FARS2: variants seen among roughly 807,000 people sequenced by gnomAD.
FARS2 encodes phenylalanyl-tRNA synthetase 2, mitochondrial.
In FARS2, 40 loss-of-function variants were observed where a neutral mutation model predicts 46.4. The ratio of observed to expected loss-of-function variants is 0.86; its 90% confidence interval spans 0.67 to 1.12. The LOEUF is 1.12. FARS2 is among the 50% of genes most tolerant of loss of function. FARS2 has a pLI of 0.00. For missense variants in FARS2, 513 were observed against 567.9 expected (o/e 0.90, Z 0.98); for synonymous variants, 234 against 214.9 (o/e 1.09, Z -0.78).
chr6:5,402,701 A>G (rs2432780), intron 2 of FARS2, among the ~76,000 whole-genome samples: 12,540 of 152,168 alleles, frequency 0.082, 1,080 homozygotes, highest in African/African-American at 0.22. Flanking sequence ...TTCCTACTCA[A>G]TTGAAAAGGT....
intron 6 of FARS2, among the ~76,000 whole-genome samples, chr6:5,682,494 C>G: frequency 6.6e-6 from 1 of 152,198 alleles, no homozygotes; most frequent in Non-Finnish European, 1.5e-5. Flanking sequence ...CAGCCTGGCT[C>G]TATCCGAAGG....
intron 1 of FARS2, among the ~76,000 whole-genome samples, chr6:5,338,639 T>C (rs986644952): frequency 3.4e-5 from 5 of 147,150 alleles, no homozygotes; most frequent in Non-Finnish European, 7.4e-5. Flanking sequence ...ATCTCAGGTA[T>C]GAGTTCTTGG....
chr6:5,701,356 A>T (rs151155774), intron 6 of FARS2, among the ~76,000 whole-genome samples: 2 of 152,314 alleles, frequency 1.3e-5, no homozygotes, highest in East Asian at 3.9e-4. Flanking sequence ...CTGCCACTGC[A>T]CCTTGTCTGT....
At chr6:5,357,394 C>T (rs1195556736) in intron 1 of FARS2, among the ~76,000 whole-genome samples, 2 of 152,180 alleles carry the variant, frequency 1.3e-5, no homozygotes, top group African/African-American at 2.4e-5. Flanking sequence ...AACTTGAGGA[C>T]ATACTGTCCC....
chr6:5,447,601 G>A (rs966809207), intron 4 of FARS2, among the ~76,000 whole-genome samples: 3 of 152,194 alleles, frequency 2.0e-5, no homozygotes, highest in East Asian at 1.9e-4. Flanking sequence ...AAGGCAAAAT[G>A]TACAAATGCT....
intron 5 of FARS2, among the ~76,000 whole-genome samples, chr6:5,599,006 A>G (rs1439073069): frequency 6.6e-6 from 1 of 152,210 alleles, no homozygotes; most frequent in Non-Finnish European, 1.5e-5. Flanking sequence ...TGACTTCGCT[A>G]GCTGGGCCTC....
Position 5,560,898 on chromosome 6 carries a change from G to A in FARS2, c.1065+15558G>A, listed in dbSNP as rs1467661025. 2.6e-5 allele frequency among the ~76,000 whole-genome samples: 4 copies of A among 152,248 alleles called. No homozygotes were observed. In the East Asian group the frequency reaches 7.7e-4, roughly 29 times the overall value. On this transcript the variant is annotated intron_variant, in intron 5 of 6. Coordinates refer to ENST00000274680, the MANE Select transcript of FARS2 (RefSeq NM_006567.5). ...AATCCCAACACTCTGGGGGACAGAG[G>A]CAGGCAGATCACTTGAGGCCAGGAG...
upstream of FARS2, among the ~76,000 whole-genome samples, chr6:5,258,629 G>A (rs527718219): frequency 1.4e-4 from 21 of 152,272 alleles, no homozygotes; most frequent in South Asian, 4.1e-3. Flanking sequence ...TAACAAGTAA[G>A]TTTATCTAGG....
At chr6:5,628,346 G>A (rs1299214271) in intron 6 of FARS2, among the ~76,000 whole-genome samples, 1 of 152,196 alleles carries the variant, frequency 6.6e-6, no homozygotes, top group Non-Finnish European at 1.5e-5. Flanking sequence ...TCTCTTGAAG[G>A]TGTAATTTCC....
chr6:5,266,560 A>C (rs542139085), intron 1 of FARS2, among the ~76,000 whole-genome samples: 2 of 152,300 alleles, frequency 1.3e-5, no homozygotes, highest in East Asian at 3.9e-4. Context: ...AGCCAGGGTC[A>C]CACAGCTGGA....
chr6:5,674,256 G>T (rs1395381695), intron 6 of FARS2, among the ~76,000 whole-genome samples: 6 of 142,940 alleles, frequency 4.2e-5, no homozygotes, highest in African/African-American at 1.0e-4. Context: ...ACATATCAGA[G>T]AAATTGCCAC....
chr6:5,515,075 T>TC (rs1768705282), intron 4 of FARS2, among the ~76,000 whole-genome samples: 1 of 152,062 alleles, frequency 6.6e-6, no homozygotes, highest in Admixed American at 6.6e-5. Context: ...CAAGCGAAAC[T>TC]CCATCTGTGG....
intron 6 of FARS2, among the ~76,000 whole-genome samples, chr6:5,653,760 C>T (rs1335092847): frequency 6.6e-6 from 1 of 152,214 alleles, no homozygotes; most frequent in Non-Finnish European, 1.5e-5. Context: ...TGTTACCTGT[C>T]AGATGCTCCT....
chr6:5,301,312 A>G (rs554766197), intron 1 of FARS2, among the ~76,000 whole-genome samples: 202 of 152,278 alleles, frequency 1.3e-3, no homozygotes, highest in South Asian at 6.6e-3. Flanking sequence ...AAGTTTGGGC[A>G]TAGTGGCATG....
chr6:5,576,137 A>G (rs1772948106), intron 5 of FARS2, among the ~76,000 whole-genome samples: 1 of 152,138 alleles, frequency 6.6e-6, no homozygotes, highest in South Asian at 2.1e-4. Flanking sequence ...TGTTTTCTGT[A>G]AGGTATTTAT....
chr6:5,377,664 C>T (rs533748015), intron 2 of FARS2, among the ~76,000 whole-genome samples: 5 of 152,120 alleles, frequency 3.3e-5, no homozygotes, highest in African/African-American at 7.2e-5. Context: ...GGTCCATGAC[C>T]GAGTTTTTGT....
At chr6:5,398,995 G>A (rs1434835633) in intron 2 of FARS2, among the ~76,000 whole-genome samples, 1 of 151,856 alleles carries the variant, frequency 6.6e-6, no homozygotes, top group Non-Finnish European at 1.5e-5. Context: ...GTTTTTGAAA[G>A]TTATTTTGGT....
At chr6:5,381,370 A>AATACACACACACACACACACAC (rs368344271) in intron 2 of FARS2, among the ~76,000 whole-genome samples, 1 of 132,904 alleles carries the variant, frequency 7.5e-6, no homozygotes, top group African/African-American at 3.3e-5. Context: ...ACTCCCCAGA[A>AATACACACACACACACACACAC]ACACACACAC....
At chr6:5,403,212 G>A (rs188356346) in intron 2 of FARS2, among the ~76,000 whole-genome samples, 82 of 152,300 alleles carry the variant, frequency 5.4e-4, no homozygotes, top group Admixed American at 1.0e-3. Flanking sequence ...GCCAGTTAGA[G>A]GAAGTATGTC....
Sources: allele counts gnomAD v4.1 joint callset (sites outside exome capture counted in the v4.1 genomes callset), GRCh38; gene constraint gnomAD v4.1.1; transcripts MANE v1.5; gene names NCBI Gene and HGNC (gene_info 2026-07-23, HGNC 2026-07-21).